The following USO1 variants were observed in gnomAD, a reference collection of about 807,000 sequenced individuals.
USO1 encodes the protein USO1 vesicle transport factor.
USO1 carries 57 observed loss-of-function variants against 124.5 expected under a neutral mutation model. The ratio of observed to expected loss-of-function variants is 0.46; its 90% CI spans 0.37 to 0.57. The LOEUF (loss-of-function observed/expected upper bound fraction) is 0.57. USO1 is among the 20% of genes least tolerant of loss of function. The probability of loss-of-function intolerance (pLI) is 0.00; values close to 1 mark genes in which losing one functional copy is unlikely to be tolerated. For synonymous variants in USO1, 369 were observed against 362.8 expected, an observed-to-expected ratio of 1.02 and a Z score of -0.19; for missense variants, 900 against 1,040.6, an observed-to-expected ratio of 0.86 and a Z score of 1.86.
chr4:75,788,868 T>C (rs2149180189), intron 10 of USO1, among the ~76,000 whole-genome samples: 1 of 152,222 alleles, frequency 6.6e-6, no homozygotes, highest in East Asian at 1.9e-4. Flanking sequence ...AAAGAATAAG[T>C]AACGAGAAAT....
intron 17 of USO1, 43 bp downstream of exon 17, chr4:75,801,243 G>T (rs2149189972): frequency 6.7e-7 from 1 of 1,492,442 alleles, no homozygotes; most frequent in South Asian, 1.5e-5. Context: ...TTACCAATAG[G>T]CACTTTCTGC....
At chr4:75,749,308 CCAT>C (rs1721229095) in intron 1 of USO1, among the ~76,000 whole-genome samples, 4 of 152,044 alleles carry the variant, frequency 2.6e-5, no homozygotes, top group African/African-American at 9.6e-5. Context: ...TATTTGAACA[CCAT>C]TAATTCAGAT....
At chr4:75,783,223 AT>A (rs1252716166) in intron 9 of USO1, among the ~76,000 whole-genome samples, 1 of 152,320 alleles carries the variant, frequency 6.6e-6, no homozygotes, top group East Asian at 1.9e-4. Context: ...AATAGGATAA[AT>A]TTTAATATTC....
chr4:75,813,394 G>T lies in USO1; in HGVS notation c.*99G>T. 7.7e-7 allele frequency: 1 copy of T among 1,299,162 alleles called. No individual in the cohort carries two copies. The highest frequency in any genetic ancestry group is 2.0e-5 in the South Asian group (1 of 50,112). The allele number at this position is 1,299,162 out of a possible 1,614,324, so 80.5% of individuals were successfully genotyped here. ...ATGGAAAATAAAGATTTAGAAACCA[G>T]GTGGAAAACATTCACTATTAAGACT... On this transcript the variant is annotated 3_prime_UTR_variant, in exon 24 of 24. Coordinates refer to ENST00000514213, the MANE Select transcript of USO1 (RefSeq NM_003715.4).
intron 22 of USO1, 34 bp downstream of exon 22, chr4:75,810,573 A>T (rs764702456): frequency 6.4e-7 from 1 of 1,557,404 alleles, no homozygotes; most frequent in Non-Finnish European, 8.7e-7. Context: ...TTTACTGCAT[A>T]TGATATGAAA....
In USO1 at chr4:75,771,107, A is replaced by G. The variant is rs1721915042; in HGVS notation, c.525A>G (p.Leu175=). Residue 175 remains leucine (L), a synonymous_variant, in exon 7 of 24, where the codon CTA becomes CTG. Coordinates refer to ENST00000514213, the MANE Select transcript of USO1 (RefSeq NM_003715.4). ...PMGVSRLMDL[L]ADSREVIRND... ...GTGTTTCAAGATTGATGGACTTACT[A>G]GCGGATTCCAGGGAAGTTATACGTA... 1 of 1,611,890 alleles carries G rather than the reference A, an allele frequency of 6.2e-7. No homozygotes were observed. The highest frequency in any genetic ancestry group is 8.5e-7 in the Non-Finnish European group (1 of 1,179,254).
intron 1 of USO1, among the ~76,000 whole-genome samples, chr4:75,744,529 C>A (rs139692649): frequency 6.6e-6 from 1 of 152,188 alleles, no homozygotes; most frequent in African/African-American, 2.4e-5. Flanking sequence ...AAGCAGTTCT[C>A]GTGCCTCAGA....
intron 4 of USO1, 180 bp from the exon 5 acceptor site, chr4:75,770,259 T>C (rs1318001084): frequency 4.8e-6 from 2 of 417,938 alleles, no homozygotes; most frequent in Non-Finnish European, 7.9e-6. Flanking sequence ...TTTAAATGAA[T>C]TTGAACATTA....
intron 18 of USO1, 68 bp from the exon 19 acceptor site, chr4:75,805,072 T>G: frequency 6.8e-7 from 1 of 1,478,438 alleles, no homozygotes; most frequent in Non-Finnish European, 9.0e-7. Flanking sequence ...CATATTTGAA[T>G]CTTCTACTTC....
chr4:75,750,277 C>T (rs1182755748), intron 1 of USO1, among the ~76,000 whole-genome samples: 2 of 151,824 alleles, frequency 1.3e-5, no homozygotes, highest in African/African-American at 4.8e-5. Context: ...CTAAAAATTA[C>T]AAGAAAATTA....
intron 1 of USO1, among the ~76,000 whole-genome samples, chr4:75,749,751 CT>C (rs1408641001): frequency 0.013 from 1,725 of 137,630 alleles, 19 homozygotes; most frequent in Middle Eastern, 0.015. Context: ...AAACTATGTT[CT>C]TTTTTTTTTT....
intron 1 of USO1, among the ~76,000 whole-genome samples, chr4:75,734,748 A>C (rs1351239717): frequency 1.2e-4 from 2 of 16,220 alleles, no homozygotes; most frequent in Non-Finnish European, 1.3e-4. Context: ...TTTTTTTTTG[A>C]ATTAGAGCCT....
chr4:75,764,407 G>A (rs1478364115), intron 4 of USO1, among the ~76,000 whole-genome samples: 2 of 152,146 alleles, frequency 1.3e-5, no homozygotes, highest in Non-Finnish European at 2.9e-5. Flanking sequence ...TGAGAAGCCT[G>A]CAGTGAAAAA....
intron 1 of USO1, among the ~76,000 whole-genome samples, chr4:75,743,781 A>C (rs1042338319): frequency 6.6e-6 from 1 of 152,072 alleles, no homozygotes; most frequent in Non-Finnish European, 1.5e-5. Context: ...CATCACATAC[A>C]AGCCCTTTTT....
intron 1 of USO1, among the ~76,000 whole-genome samples, chr4:75,732,286 C>A (rs540408454): frequency 2.0e-5 from 3 of 152,102 alleles, no homozygotes; most frequent in Non-Finnish European, 4.4e-5. Context: ...TATATTAATT[C>A]GCTTAGGATA....
At chr4:75,799,203 GAAGT>G (rs1722772730) in intron 13 of USO1, among the ~76,000 whole-genome samples, 2 of 151,628 alleles carry the variant, frequency 1.3e-5, no homozygotes, top group Non-Finnish European at 2.9e-5. Context: ...TTTTTTGAAG[GAAGT>G]AGAATTTTCC....
chr4:75,742,302 G>A (rs772113487), intron 1 of USO1, among the ~76,000 whole-genome samples: 1 of 152,198 alleles, frequency 6.6e-6, no homozygotes, highest in Non-Finnish European at 1.5e-5. Flanking sequence ...AAACACATGA[G>A]TAATGTGTTG....
chr4:75,811,038 C>T (rs1723133718), intron 22 of USO1, among the ~76,000 whole-genome samples: 1 of 152,026 alleles, frequency 6.6e-6, no homozygotes, highest in Non-Finnish European at 1.5e-5. Context: ...CACCCAGCCA[C>T]AAATGAAGCT....
chr4:75,748,533 C>T (rs573724246), intron 1 of USO1, among the ~76,000 whole-genome samples: 1 of 152,198 alleles, frequency 6.6e-6, no homozygotes, highest in Non-Finnish European at 1.5e-5. Context: ...CAACATTGAA[C>T]AGCTTTTATA....
Sources: allele counts gnomAD v4.1 joint callset (sites outside exome capture counted in the v4.1 genomes callset), GRCh38; gene constraint gnomAD v4.1.1; transcripts MANE v1.5; gene names NCBI Gene and HGNC (gene_info 2026-07-23, HGNC 2026-07-21).